Variants in MED16 observed in about 807,000 individuals in gnomAD.
The protein encoded by MED16 is mediator complex subunit 16.
MED16 carries 81 observed loss-of-function variants against 84.4 expected under a neutral mutation model. That is an observed-to-expected ratio of 0.96 (90% confidence interval 0.80 to 1.15). MED16 has a LOEUF of 1.15. MED16 is among the 50% of genes most tolerant of loss of function. MED16 has a pLI of 0.00. For synonymous variants in MED16, 897 were observed against 552.2 expected (o/e 1.62, Z -8.76); for missense variants, 1,585 against 1,245.9 (o/e 1.27, Z -4.10).
At chr19:868,360 G>A (rs780169770) in intron 15 of MED16, 56 bp downstream of exon 15, 13 of 1,596,486 alleles carry the variant, frequency 8.1e-6, no homozygotes, top group East Asian at 6.7e-5. Flanking sequence ...GAGTAGCTGA[G>A]GGGCAGCTGG....
At chr19:881,853 G>A in intron 6 of MED16, 139 bp from the exon 7 acceptor site, 6 of 1,053,192 alleles carry the variant, frequency 5.7e-6, no homozygotes, top group Non-Finnish European at 6.8e-6. Context: ...CCCATGCCCA[G>A]AAGACCAGGC....
intron 1 of MED16, chr19:892,796 C>A (rs1222780879): frequency 6.6e-6 from 1 of 152,662 alleles, no homozygotes; most frequent in East Asian, 1.9e-4. Flanking sequence ...CAGCCTCGCC[C>A]CAAACTCTCC....
intron 10 of MED16, among the ~76,000 whole-genome samples, chr19:873,821 C>T (rs984713646): frequency 6.6e-6 from 1 of 152,168 alleles, no homozygotes; most frequent in Admixed American, 6.5e-5. Flanking sequence ...TCTCGGCCTG[C>T]AGGCCTTGGC....
rs1568324417 is a variant in MED16, at chr19:876,843, G to GCCCCC, written c.1560+130_1560+131insGGGGG. On this transcript the variant is annotated intron_variant, in intron 9 of 15. Coordinates refer to ENST00000325464, the MANE Select transcript of MED16 (RefSeq NM_005481.3). ...CCACGGGGCCCCTGCCTGCCACAGGGACAGCCCCACCTGGCACGGGACCAC... is the reference window on the plus strand; with the variant it reads ...CCACGGGGCCCCTGCCTGCCACAGGGCCCCCACAGCCCCACCTGGCACGGGACCAC... The GCCCCC allele has an allele frequency of 1.1e-4, 99 of 872,580 alleles. No homozygotes were observed. The African/African-American group carries it at 1.6e-3, about 14-fold the overall frequency. The allele number at this position is 872,580 out of a possible 1,614,324, so 54.1% of individuals were successfully genotyped here.
chr19:891,317 G>C (rs547089098), intron 1 of MED16, among the ~76,000 whole-genome samples, 168 bp from the exon 2 acceptor site: 3 of 152,328 alleles, frequency 2.0e-5, no homozygotes, highest in South Asian at 4.1e-4. Context: ...GGGGAACATG[G>C]AGAGGTCAGG....
intron 7 of MED16, 118 bp from the exon 8 acceptor site, chr19:880,266 C>G (rs1345211359): frequency 1.1e-6 from 1 of 920,734 alleles, no homozygotes; most frequent in Non-Finnish European, 1.5e-6. Context: ...GGGGTCAGCC[C>G]CCGCCAATCG....
chr19:870,403 A>C (rs372664627), intron 13 of MED16, among the ~76,000 whole-genome samples: 2 of 152,046 alleles, frequency 1.3e-5, no homozygotes, highest in African/African-American at 4.8e-5. Context: ...TATACCAAAA[A>C]TACAAAAAAT....
intron 13 of MED16, among the ~76,000 whole-genome samples, 189 bp from the exon 14 acceptor site, chr19:869,135 C>T (rs540340037): frequency 8.1e-4 from 123 of 152,114 alleles, no homozygotes; most frequent in South Asian, 7.3e-3. Context: ...GTAAAGGGGG[C>T]GGGACCCCCC....
At chr19:885,171 C>T (rs1343624341) in intron 5 of MED16, among the ~76,000 whole-genome samples, 163 bp from the exon 6 acceptor site, 1 of 152,192 alleles carries the variant, frequency 6.6e-6, no homozygotes, top group Non-Finnish European at 1.5e-5. Context: ...GGCCTGTCCC[C>T]AGAGCCCAAC....
intron 4 of MED16, among the ~76,000 whole-genome samples, chr19:887,370 TAAAAAAC>T (rs1568332535): frequency 6.6e-6 from 1 of 151,948 alleles, no homozygotes. Flanking sequence ...TTAATGTAAT[TAAAAAAC>T]AAAAATTTGG....
rs773063472 is a variant in MED16 at position 871,913 on chromosome 19, G to A, written c.2098+13C>T. ...GAGCGGGGAGAGGGGAGGGGCGGGC[G>A]GGGGTGCCTCACAGCAGATCCAGAG... On this transcript the variant is annotated intron_variant, in intron 12 of 15. Coordinates refer to ENST00000325464, the MANE Select transcript of MED16 (RefSeq NM_005481.3). 1.0e-5 allele frequency: 16 copies of A among 1,524,066 alleles called. No homozygotes were observed. Among genetic ancestry groups the A allele is most frequent in the African/African-American group, 3.2e-5 (2 of 63,476 alleles). The allele number at this position is 1,524,066 out of a possible 1,614,324, so 94.4% of individuals were successfully genotyped here. A position where few individuals can be genotyped will look rare whatever the true frequency, so the allele number is the denominator to read the frequency against.
At chr19:876,725 C>T (rs888784080) in intron 9 of MED16, among the ~76,000 whole-genome samples, 2 of 152,126 alleles carry the variant, frequency 1.3e-5, no homozygotes, top group African/African-American at 2.4e-5. Flanking sequence ...GCTGCCACAA[C>T]CCCCACATCT....
At chr19:878,011 C>G (rs1568325951) in intron 8 of MED16, among the ~76,000 whole-genome samples, 1 of 75,402 alleles carries the variant, frequency 1.3e-5, no homozygotes, top group Non-Finnish European at 2.5e-5. Context: ...CCGTGGTTGT[C>G]AACGCCCACC....
chr19:869,753 T>C (rs1485824044), intron 13 of MED16, among the ~76,000 whole-genome samples: 1 of 152,164 alleles, frequency 6.6e-6, no homozygotes, highest in East Asian at 1.9e-4. Context: ...TTCCTTTTGC[T>C]CATCTGTGTT....
intron 9 of MED16, 55 bp downstream of exon 9, chr19:876,919 C>G: frequency 6.5e-7 from 1 of 1,530,600 alleles, no homozygotes; most frequent in Non-Finnish European, 8.8e-7. Flanking sequence ...ACGGGGCCCC[C>G]ACCTGCCACA....
At chr19:881,489 C>T in intron 7 of MED16, 70 bp downstream of exon 7, 3 of 1,534,148 alleles carry the variant, frequency 2.0e-6, no homozygotes, top group African/African-American at 1.4e-5. Context: ...GACCCCGTGG[C>T]CTGTGCTCAG....
chr19:881,255 T>C (rs1224666117), intron 7 of MED16, among the ~76,000 whole-genome samples: 1 of 152,198 alleles, frequency 6.6e-6, no homozygotes, highest in Non-Finnish European at 1.5e-5. Flanking sequence ...AGAGGACACA[T>C]GCCGCCTACC....
At chr19:884,413 A>AGAGGTGGGGT in intron 6 of MED16, among the ~76,000 whole-genome samples, 1 of 150,088 alleles carries the variant, frequency 6.7e-6, no homozygotes, top group Non-Finnish European at 1.5e-5. Context: ...AGGCTGCTGG[A>AGAGGTGGGGT]GAGGTGGGGT....
chr19:890,937 G>A (rs778154491), intron 2 of MED16, 26 bp downstream of exon 2: 2 of 1,607,188 alleles, frequency 1.2e-6, no homozygotes, highest in Non-Finnish European at 1.7e-6. Flanking sequence ...CGGCCGGGAG[G>A]GGAAGCAGGT....
Sources: gnomAD v4.1 joint callset for allele counts (sites outside exome capture counted in the v4.1 genomes callset) on GRCh38, gnomAD v4.1.1 for gene constraint, MANE v1.5 for transcripts, NCBI Gene and HGNC (gene_info 2026-07-23, HGNC 2026-07-21) for gene names.